Variants in CNGB3 observed in about 807,000 individuals in gnomAD.
CNGB3 encodes the protein cyclic nucleotide-gated channel beta-3.
Under a neutral mutation model 92.8 loss-of-function variants are expected in CNGB3, and 86 were observed. The ratio of observed to expected loss-of-function variants is 0.93; its 90% CI spans 0.78 to 1.11. CNGB3 has a LOEUF of 1.11. CNGB3 is among the 50% of genes least tolerant of loss of function. The pLI is 0.00. For missense variants in CNGB3, 1,026 were observed against 956.8 expected (o/e 1.07, Z -0.95); for synonymous variants, 333 against 332.7 (o/e 1.00, Z -0.01).
chr8:86,667,221 T>A, intron 5 of CNGB3, 88 bp from the exon 6 acceptor site: 1 of 1,112,458 alleles, frequency 9.0e-7, no homozygotes, highest in Non-Finnish European at 1.3e-6. Flanking sequence ...GTTGGGGCAC[T>A]ACCCTCTACA....
intron 10 of CNGB3, among the ~76,000 whole-genome samples, chr8:86,637,021 G>A (rs771440569): frequency 6.6e-6 from 1 of 152,130 alleles, no homozygotes; most frequent in Non-Finnish European, 1.5e-5. Flanking sequence ...AGAAATTTAG[G>A]TTCCTTCCAT....
intron 3 of CNGB3, among the ~76,000 whole-genome samples, chr8:86,692,724 T>C (rs563250176): frequency 6.6e-6 from 1 of 152,202 alleles, no homozygotes; most frequent in Non-Finnish European, 1.5e-5. Context: ...CCATTTACAT[T>C]CAATATTAGT....
intron 3 of CNGB3, among the ~76,000 whole-genome samples, chr8:86,681,765 A>G (rs1450990905): frequency 1.3e-5 from 2 of 152,208 alleles, no homozygotes; most frequent in Non-Finnish European, 2.9e-5. Flanking sequence ...TTGGCTTCAG[A>G]TTTCTCATTG....
intron 7 of CNGB3, among the ~76,000 whole-genome samples, chr8:86,652,134 G>A (rs541536835): frequency 1.3e-5 from 2 of 152,052 alleles, no homozygotes; most frequent in Non-Finnish European, 2.9e-5. Flanking sequence ...GAGTACTGTA[G>A]GGAATTGTAA....
intron 10 of CNGB3, among the ~76,000 whole-genome samples, chr8:86,640,329 G>T (rs937119259): frequency 9.2e-5 from 14 of 151,978 alleles, no homozygotes; most frequent in African/African-American, 3.4e-4. Flanking sequence ...CTTGCACTAG[G>T]CCAAACAGAC....
At chr8:86,606,042 G>A (rs940178288) in intron 14 of CNGB3, among the ~76,000 whole-genome samples, 2 of 152,070 alleles carry the variant, frequency 1.3e-5, no homozygotes, top group African/African-American at 4.8e-5. Flanking sequence ...GTAATTAGAA[G>A]CGAAGGAAGC....
intron 14 of CNGB3, among the ~76,000 whole-genome samples, chr8:86,605,671 C>T (rs527567185): frequency 1.3e-5 from 2 of 152,302 alleles, no homozygotes; most frequent in African/African-American, 4.8e-5. Context: ...AGTTTACTCT[C>T]TGAGATGGCT....
At chr8:86,606,794 C>A (rs554797913) in intron 14 of CNGB3, among the ~76,000 whole-genome samples, 2 of 152,236 alleles carry the variant, frequency 1.3e-5, no homozygotes, top group South Asian at 2.1e-4. Flanking sequence ...GTGTCTTGAG[C>A]AAACTTATAA....
At chr8:86,654,369 A>G (rs1823462401) in intron 6 of CNGB3, among the ~76,000 whole-genome samples, 1 of 152,058 alleles carries the variant, frequency 6.6e-6, no homozygotes, top group South Asian at 2.1e-4. Flanking sequence ...TGCTTCTCTC[A>G]TTGCATCAAG....
intron 3 of CNGB3, among the ~76,000 whole-genome samples, chr8:86,689,766 G>A (rs916853695): frequency 6.7e-6 from 1 of 150,212 alleles, no homozygotes; most frequent in African/African-American, 2.5e-5. Context: ...CTGTGTCCAA[G>A]TGTTCTCATT....
At chr8:86,711,503 CAGA>C (rs1321721919) in intron 3 of CNGB3, among the ~76,000 whole-genome samples, 1 of 152,132 alleles carries the variant, frequency 6.6e-6, no homozygotes, top group Non-Finnish European at 1.5e-5. Context: ...GAAGGAGACT[CAGA>C]AGTTCTGTCA....
chr8:86,646,089 G>A (rs1482363939), intron 8 of CNGB3, among the ~76,000 whole-genome samples: 1 of 151,026 alleles, frequency 6.6e-6, no homozygotes, highest in Non-Finnish European at 1.5e-5. Context: ...CATTTTATAA[G>A]CTTTTATCAT....
intron 4 of CNGB3, among the ~76,000 whole-genome samples, chr8:86,670,324 T>TTGTTATA (rs139255881): frequency 0.013 from 1,908 of 152,246 alleles, 37 homozygotes; most frequent in African/African-American, 0.043. Context: ...ACAATAAAAT[T>TTGTTATA]TGTTATAGAA....
chr8:86,658,940 G>A lies in CNGB3; in HGVS notation c.853-4878C>T, dbSNP rs532027188. 49 of 1,055,320 alleles carry A rather than the reference G, an allele frequency of 4.6e-5. No individual in the cohort carries two copies. In the East Asian group the frequency reaches 7.5e-4, roughly 16 times the overall value. 65.4% of individuals were successfully genotyped at this position (1,055,320 alleles called of 1,614,324 possible). A position where few individuals can be genotyped will look rare whatever the true frequency, so the allele number is the denominator to read the frequency against. On this transcript the variant is annotated intron_variant, in intron 6 of 17. Coordinates refer to ENST00000320005, the MANE Select transcript of CNGB3 (RefSeq NM_019098.5). ...CCAGCAGCCTCTCCTCCTGCTCTCGGTTCAGGAGACTCAAGCCCTCATTGT... is the reference window on the plus strand; with the variant it reads ...CCAGCAGCCTCTCCTCCTGCTCTCGATTCAGGAGACTCAAGCCCTCATTGT...
At position 86,575,879 on chromosome 8, in the gene CNGB3, A is replaced by G. The variant is rs1159738655; in HGVS notation, c.2355T>C (p.Ile785=). 2.5e-6 allele frequency: 4 copies of G among 1,613,284 alleles called. No individual in the cohort carries two copies. Among genetic ancestry groups the G allele is most frequent in the Non-Finnish European group, 2.5e-6 (3 of 1,179,826 alleles). Residue 785 remains isoleucine (I), a synonymous_variant, in exon 18 of 18, where the codon ATT becomes ATC. Transcript: ENST00000320005. ...CCTCAGCAGAAGGAGCCATGCTGAT[A>G]ATGAGTGATTGACGAGAAGTCCCTC... is the stretch of plus-strand genomic sequence containing the variant. ...LPRGTSRQSL[I]ISMAPSAEGG...
chr8:86,682,832 A>G (rs1317216083), intron 3 of CNGB3, among the ~76,000 whole-genome samples: 1 of 152,172 alleles, frequency 6.6e-6, no homozygotes, highest in African/African-American at 2.4e-5. Context: ...CAGGGTGCCA[A>G]TAAACAGAAA....
At chr8:86,599,828 A>AGTCCTGTG (rs1175213718) in intron 15 of CNGB3, among the ~76,000 whole-genome samples, 1 of 151,638 alleles carries the variant, frequency 6.6e-6, no homozygotes, top group East Asian at 1.9e-4. Context: ...ATTTCACCCC[A>AGTCCTGTG]GTCCTGTGGT....
At chr8:86,653,991 T>C in intron 7 of CNGB3, 21 bp downstream of exon 7, 1 of 1,541,824 alleles carries the variant, frequency 6.5e-7, no homozygotes, top group Non-Finnish European at 9.0e-7. Flanking sequence ...GTGAGCAACT[T>C]TGAAATTGTT....
intron 10 of CNGB3, among the ~76,000 whole-genome samples, chr8:86,643,045 T>C (rs1215045547): frequency 6.6e-6 from 1 of 151,340 alleles, no homozygotes. Context: ...GCTTTCAAAC[T>C]TTTTTGATCA....
Sources: allele counts gnomAD v4.1 joint callset (sites outside exome capture counted in the v4.1 genomes callset), GRCh38; gene constraint gnomAD v4.1.1; transcripts MANE v1.5; gene names NCBI Gene and HGNC (gene_info 2026-07-23, HGNC 2026-07-21).